Variants in ATR observed in about 807,000 individuals in gnomAD.
ATR encodes the protein serine/threonine-protein kinase ATR.
Under a neutral mutation model 305.3 loss-of-function variants are expected in ATR, and 142 were observed. The observed-to-expected ratio is 0.47, with a 90% CI of 0.41 to 0.53. ATR has a LOEUF of 0.53. Among genes scored for constraint, ATR ranks in the 20% least tolerant of loss-of-function variants. The pLI, the probability that ATR is intolerant of heterozygous loss-of-function variation, is 0.00. For synonymous variants in ATR, 1,050 were observed against 1,068.1 expected (o/e 0.98, Z 0.33); for missense variants, 2,135 against 3,133.1 (o/e 0.68, Z 7.60).
At chr3:142,486,789 G>GA (rs2030953086) in intron 35 of ATR, among the ~76,000 whole-genome samples, 1 of 151,336 alleles carries the variant, frequency 6.6e-6, no homozygotes, top group Non-Finnish European at 1.5e-5. Context: ...GTCTGTTTTT[G>GA]AACTTTTATA....
chr3:142,559,028 C>T (rs914384624), intron 7 of ATR: 4 of 632,666 alleles, frequency 6.3e-6, no homozygotes, highest in African/African-American at 3.7e-5. Flanking sequence ...AATTAAAAAA[C>T]TTTGAAGTTA....
chr3:142,468,959 C>T (rs1577511403), intron 38 of ATR, among the ~76,000 whole-genome samples: 1 of 152,082 alleles, frequency 6.6e-6, no homozygotes, highest in East Asian at 1.9e-4. Flanking sequence ...CCACTGCATT[C>T]CAGCCTGGGC....
intron 30 of ATR, 24 bp from the exon 31 acceptor site, chr3:142,499,742 CTAAA>C: frequency 6.3e-7 from 1 of 1,597,202 alleles, no homozygotes; most frequent in Non-Finnish European, 8.6e-7. Flanking sequence ...CCCATATCAA[CTAAA>C]CTTTAATTTA....
In ATR at chr3:142,508,083, G is replaced by C; in HGVS notation, c.4879C>G (p.Gln1627Glu). The C allele has an allele frequency of 1.2e-6, 2 of 1,612,628 alleles. No individual in the cohort carries two copies. Among genetic ancestry groups the C allele is most frequent in the Non-Finnish European group, 1.7e-6 (2 of 1,179,536 alleles). ...AGGTCTAGAAAACGGGTTACACTCT[G>C]ATAGTCTTCATAATCCACAGTAGAT... ...MVSTVDYEDY[Q>E]SVTRFLDLIP... is the part of the protein sequence containing the mutation. Residue 1627 changes from glutamine to glutamate, a missense_variant, in exon 28 of 47, where the codon CAG becomes GAG. By Grantham distance (29) the Gln-to-Glu change is conservative. Transcript: ENST00000350721.
At chr3:142,553,501 A>G in intron 12 of ATR, 103 bp from the exon 13 acceptor site, 2 of 1,464,416 alleles carry the variant, frequency 1.4e-6, no homozygotes, top group Non-Finnish European at 1.9e-6. Flanking sequence ...AACAAACGGA[A>G]ATCTACAAAT....
intron 25 of ATR, among the ~76,000 whole-genome samples, chr3:142,514,272 A>G (rs147858323): frequency 6.6e-6 from 1 of 151,542 alleles, no homozygotes; most frequent in African/African-American, 2.4e-5. Flanking sequence ...CTCAAAAAAA[A>G]AGAAAATGTC....
chr3:142,534,327 C>T (rs1300698603), intron 21 of ATR, among the ~76,000 whole-genome samples: 2 of 152,062 alleles, frequency 1.3e-5, no homozygotes, highest in African/African-American at 4.8e-5. Flanking sequence ...CTGGCTGCTA[C>T]CCACATTGGT....
rs1577604223 is a variant in ATR, at chr3:142,512,481, C to G, written c.4642-11G>C. 6.4e-7 allele frequency: 1 copy of G among 1,569,956 alleles called. No individual in the cohort carries two copies. Among genetic ancestry groups the G allele is most frequent in the Non-Finnish European group, 8.7e-7 (1 of 1,143,096 alleles). On this transcript the variant is annotated splice_polypyrimidine_tract_variant and intron_variant, in intron 26 of 46. Coordinates refer to ENST00000350721, the MANE Select transcript of ATR (RefSeq NM_001184.4). ...AATTTCTGCATAAACCTATGAGAAT[C>G]ATTTATAATTAATAATAATATCTAT...
At chr3:142,540,669 G>C (rs1335074465) in intron 18 of ATR, among the ~76,000 whole-genome samples, 1 of 152,016 alleles carries the variant, frequency 6.6e-6, no homozygotes, top group Non-Finnish European at 1.5e-5. Context: ...TGCTAAAGTT[G>C]GGAAATAGGT....
chr3:142,515,640 T>A, intron 24 of ATR, 125 bp from the exon 25 acceptor site: 2 of 1,030,596 alleles, frequency 1.9e-6, no homozygotes, highest in Non-Finnish European at 2.9e-6. Context: ...TCTGCTTACC[T>A]TTTTCCAGTA....
In ATR at chr3:142,562,587, G is replaced by A. The variant is rs1406216731; in HGVS notation, c.815C>T (p.Ser272Leu). The change falls in exon 4 of 47, where the codon TCA becomes TTA. Residue 272 changes from serine (S) to leucine (L), a missense_variant. By Grantham distance (145) the Ser-to-Leu change is moderately radical. This residue lies in a region of ATR where 744 missense variants were observed against 873.2 expected (regional missense o/e 0.85). Coordinates refer to ENST00000350721, the MANE Select transcript of ATR (RefSeq NM_001184.4). ...PAQPASTFFS[S>L]FLELLKHLVE... ...AAGGTGTTTTAATAATTCCAAAAAT[G>A]AGCTGAAAAAAGTGCTAGCTGGTTG... The A allele has an allele frequency of 7.4e-6, 12 of 1,613,900 alleles. No homozygotes were observed. Among genetic ancestry groups the A allele is most frequent in the Non-Finnish European group, 1.0e-5 (12 of 1,179,950 alleles).
chr3:142,513,542 C>T lies in ATR; in HGVS notation c.4600G>A (p.Val1534Met). Residue 1534 changes from valine to methionine, a missense_variant, in exon 26 of 47, where the codon GTG becomes ATG. Coordinates refer to ENST00000350721, the MANE Select transcript of ATR (RefSeq NM_001184.4). ...TGATTACAACCCAGTAAGACATACA[C>T]CAGAATATGTGGAAGAAGATAGATG... is the stretch of plus-strand genomic sequence containing the variant. ...VTIYLLPHIL[V>M]YVLLGCNQED... The T allele has an allele frequency of 6.2e-7, 1 of 1,613,322 alleles. No individual in the cohort carries two copies. Among genetic ancestry groups the T allele is most frequent in the Non-Finnish European group, 8.5e-7 (1 of 1,179,462 alleles).
intron 3 of ATR, among the ~76,000 whole-genome samples, chr3:142,565,141 CTACTG>C: frequency 6.6e-6 from 1 of 151,978 alleles, no homozygotes; most frequent in Non-Finnish European, 1.5e-5. Context: ...AGTTTAAAAA[CTACTG>C]TAGGAAAGAA....
chr3:142,565,569 ATG>A (rs1323329004), intron 3 of ATR, among the ~76,000 whole-genome samples: 1 of 151,790 alleles, frequency 6.6e-6, no homozygotes, highest in Non-Finnish European at 1.5e-5. Flanking sequence ...AAGTAAAAGA[ATG>A]AGCATGGCTG....
At chr3:142,501,661 A>G (rs2031972842) in intron 30 of ATR, among the ~76,000 whole-genome samples, 1 of 152,250 alleles carries the variant, frequency 6.6e-6, no homozygotes, top group Admixed American at 6.5e-5. Context: ...AAGCATATGA[A>G]AACATGCTCG....
chr3:142,578,138 T>C (rs2035500782), intron 1 of ATR, among the ~76,000 whole-genome samples: 1 of 152,124 alleles, frequency 6.6e-6, no homozygotes, highest in Non-Finnish European at 1.5e-5. Flanking sequence ...AAAAACTGCC[T>C]TTTCCAGCAA....
chr3:142,488,658 T>C (rs1314259361), intron 35 of ATR, among the ~76,000 whole-genome samples: 2 of 152,100 alleles, frequency 1.3e-5, no homozygotes, highest in Admixed American at 1.3e-4. Flanking sequence ...CGGTAAAGGG[T>C]AGATATGGAA....
intron 45 of ATR, among the ~76,000 whole-genome samples, chr3:142,456,425 A>G (rs1457569849): frequency 6.6e-6 from 1 of 152,146 alleles, no homozygotes; most frequent in Non-Finnish European, 1.5e-5. Flanking sequence ...AGAATCAGCC[A>G]GACATAGTGG....
intron 36 of ATR, among the ~76,000 whole-genome samples, chr3:142,482,717 T>C (rs1225692521): frequency 6.6e-6 from 1 of 151,830 alleles, no homozygotes; most frequent in Non-Finnish European, 1.5e-5. Flanking sequence ...GTGCCTATAG[T>C]CCTAACTACT....
Sources: gnomAD v4.1 joint callset for allele counts (sites outside exome capture counted in the v4.1 genomes callset) on GRCh38, gnomAD v4.1.1 for gene constraint, gnomAD v4.1.1 regional missense constraint, MANE v1.5 for transcripts, NCBI Gene and HGNC (gene_info 2026-07-23, HGNC 2026-07-21) for gene names.